The following RNGTT variants were observed in gnomAD, a reference collection of about 807,000 sequenced individuals.
RNGTT encodes mRNA-capping enzyme.
Under a neutral mutation model 79.3 loss-of-function variants are expected in RNGTT, and 33 were observed. The ratio of observed to expected loss-of-function variants is 0.42; its 90% CI spans 0.32 to 0.56. RNGTT has a LOEUF of 0.56. Ranked by LOEUF, RNGTT falls within the 20% of genes least tolerant of loss-of-function variation. RNGTT has a pLI of 0.17. For missense variants in RNGTT, 497 were observed against 739.1 expected (o/e 0.67, Z 3.80); for synonymous variants, 222 against 235.9 (o/e 0.94, Z 0.54).
At position 88,698,173 on chromosome 6, in the gene RNGTT, T is replaced by C. The variant is rs1388966415; in HGVS notation, c.1440-19754A>G. ...AAATACATATGATATATATGACATA[T>C]ATATGATATATATATGAAATATATA... is the stretch of plus-strand genomic sequence containing the variant. On this transcript the variant is annotated intron_variant, in intron 13 of 15. Coordinates refer to ENST00000369485, the MANE Select transcript of RNGTT (RefSeq NM_003800.5). Among the ~76,000 whole-genome samples the C allele has an allele frequency of 9.2e-5, 11 of 120,180 alleles. 1 individual carries two copies. The highest frequency in any genetic ancestry group is 4.8e-4 in the South Asian group (2 of 4,190). 78.8% of individuals were successfully genotyped at this position (120,180 alleles called of 152,430 possible).
intron 2 of RNGTT, among the ~76,000 whole-genome samples, chr6:88,931,808 T>C (rs943976190): frequency 6.6e-6 from 1 of 152,190 alleles, no homozygotes; most frequent in Non-Finnish European, 1.5e-5. Flanking sequence ...AAAATTCCTA[T>C]GCCTGTCTTT....
At chr6:88,646,109 T>A (rs1259062031) in intron 14 of RNGTT, among the ~76,000 whole-genome samples, 1 of 152,166 alleles carries the variant, frequency 6.6e-6, no homozygotes, top group Non-Finnish European at 1.5e-5. Context: ...GACAAAGGGC[T>A]AATATCCAGA....
intron 8 of RNGTT, among the ~76,000 whole-genome samples, chr6:88,884,277 T>A (rs1782786449): frequency 6.6e-6 from 1 of 152,152 alleles, no homozygotes. Context: ...AGTCGTTGAA[T>A]AAACTACTCA....
intron 12 of RNGTT, among the ~76,000 whole-genome samples, chr6:88,777,400 T>C (rs1160599936): frequency 1.3e-5 from 2 of 152,234 alleles, no homozygotes; most frequent in Admixed American, 6.5e-5. Context: ...GGTATTTGGA[T>C]AGGGATTGCA....
chr6:88,892,909 A>G (rs1181505778), intron 6 of RNGTT, among the ~76,000 whole-genome samples: 1 of 152,058 alleles, frequency 6.6e-6, no homozygotes, highest in Non-Finnish European at 1.5e-5. Context: ...TCCTTCCAGC[A>G]GACACTAGTC....
At chr6:88,724,937 C>T (rs192736360) in intron 13 of RNGTT, among the ~76,000 whole-genome samples, 1 of 152,170 alleles carries the variant, frequency 6.6e-6, no homozygotes, top group Non-Finnish European at 1.5e-5. Context: ...AAGGACACAG[C>T]AGCAGGGGCC....
At chr6:88,727,083 T>G (rs142611769) in intron 13 of RNGTT, among the ~76,000 whole-genome samples, 7 of 152,042 alleles carry the variant, frequency 4.6e-5, no homozygotes, top group African/African-American at 1.7e-4. Flanking sequence ...AAGAAAGGGA[T>G]GTTTGCAACA....
chr6:88,852,303 T>A (rs1402085577), intron 9 of RNGTT, among the ~76,000 whole-genome samples: 1 of 152,134 alleles, frequency 6.6e-6, no homozygotes, highest in Non-Finnish European at 1.5e-5. Context: ...AAACATTAGT[T>A]CAATTATAAA....
intron 11 of RNGTT, among the ~76,000 whole-genome samples, chr6:88,836,164 A>G (rs1040684077): frequency 1.0e-4 from 15 of 150,666 alleles, no homozygotes; most frequent in African/African-American, 3.6e-4. Flanking sequence ...TGAAAGTATG[A>G]ATTCTCTTTA....
At chr6:88,729,297 T>C (rs1777027824) in intron 13 of RNGTT, among the ~76,000 whole-genome samples, 1 of 152,036 alleles carries the variant, frequency 6.6e-6, no homozygotes, top group African/African-American at 2.4e-5. Flanking sequence ...TGATGGACCT[T>C]TACTGGACAC....
At chr6:88,828,639 T>C (rs374570860) in intron 11 of RNGTT, among the ~76,000 whole-genome samples, 2 of 151,932 alleles carry the variant, frequency 1.3e-5, no homozygotes, top group African/African-American at 2.4e-5. Context: ...TCTGAGAACC[T>C]TGAAAAAAGG....
intron 9 of RNGTT, among the ~76,000 whole-genome samples, chr6:88,852,052 C>G (rs1329356930): frequency 6.6e-6 from 1 of 152,042 alleles, no homozygotes; most frequent in Non-Finnish European, 1.5e-5. Context: ...CTAATGCCAA[C>G]TCCTACACAA....
chr6:88,773,085 G>C (rs907389153), intron 12 of RNGTT, among the ~76,000 whole-genome samples: 1 of 144,692 alleles, frequency 6.9e-6, no homozygotes, highest in Non-Finnish European at 1.5e-5. Context: ...GTCCAACAAT[G>C]ATAGACTGGA....
chr6:88,936,450 T>C (rs1784668478), intron 2 of RNGTT, among the ~76,000 whole-genome samples: 1 of 152,254 alleles, frequency 6.6e-6, no homozygotes, highest in Non-Finnish European at 1.5e-5. Context: ...CTTGTCTTGT[T>C]CTAATTCTCA....
At chr6:88,831,416 A>G (rs114347262) in intron 11 of RNGTT, among the ~76,000 whole-genome samples, 3,155 of 152,288 alleles carry the variant, frequency 0.021, 121 homozygotes, top group African/African-American at 0.07. Context: ...CTCTCAATAG[A>G]CTAGGTACTG....
intron 1 of RNGTT, among the ~76,000 whole-genome samples, chr6:88,944,618 A>G (rs977173082): frequency 1.3e-5 from 2 of 151,894 alleles, no homozygotes; most frequent in African/African-American, 2.4e-5. Flanking sequence ...CATTTAAATA[A>G]GCCCTAAACT....
chr6:88,641,058 C>T (rs34011048), intron 14 of RNGTT, among the ~76,000 whole-genome samples: 17,655 of 151,986 alleles, frequency 0.12, 1,139 homozygotes, highest in Middle Eastern at 0.21. Flanking sequence ...TTAAGACGAC[C>T]GGCCGGGTGC....
chr6:88,691,396 C>T (rs1053432119), intron 13 of RNGTT, among the ~76,000 whole-genome samples: 2 of 152,100 alleles, frequency 1.3e-5, no homozygotes, highest in African/African-American at 4.8e-5. Context: ...TTAGGTAGTT[C>T]TTTATAGCAA....
Position 88,849,811 on chromosome 6 carries a change from T to C in RNGTT, c.1048A>G (p.Arg350Gly). ...CTAGGAACAGCCTGTCCATTTACTC[T>C]GTCAATAATCATCTCCTTGAAAGAG... ...TLLDGEMIID[R>G]VNGQAVPRYL... is the part of the protein sequence containing the mutation. Residue 350 changes from arginine (R) to glycine (G), a missense_variant, in exon 10 of 16, where the codon AGA (arginine) becomes GGA (glycine). Coordinates refer to ENST00000369485, the MANE Select transcript of RNGTT (RefSeq NM_003800.5). 6.4e-7 allele frequency: 1 copy of C among 1,565,578 alleles called. No individual in the cohort carries two copies. Among genetic ancestry groups the C allele is most frequent in the South Asian group, 1.2e-5 (1 of 81,924 alleles).
Sources: allele counts gnomAD v4.1 joint callset (sites outside exome capture counted in the v4.1 genomes callset), GRCh38; gene constraint gnomAD v4.1.1; transcripts MANE v1.5; gene names NCBI Gene and HGNC (gene_info 2026-07-23, HGNC 2026-07-21).